TMEM132C: variants seen among roughly 807,000 people sequenced by gnomAD.
The protein encoded by TMEM132C is protein phosphatase 1, regulatory subunit 152.
In TMEM132C, 29 loss-of-function variants were observed where a neutral mutation model predicts 61.4. The ratio of observed to expected loss-of-function variants is 0.47; its 90% CI spans 0.35 to 0.64. TMEM132C has a LOEUF of 0.64. Among genes scored for constraint, TMEM132C ranks in the 30% least tolerant of loss-of-function variants. TMEM132C has a pLI of 0.00. For synonymous variants in TMEM132C, 656 were observed against 633.1 expected (o/e 1.04, Z -0.54); for missense variants, 1,408 against 1,476.9 (o/e 0.95, Z 0.76).
At chr12:128,586,392 T>C (rs7299138) in intron 3 of TMEM132C, among the ~76,000 whole-genome samples, 34,904 of 150,458 alleles carry the variant, frequency 0.23, 4,510 homozygotes, top group Middle Eastern at 0.36. Flanking sequence ...TTTATAAATA[T>C]ATAATATATA....
At chr12:128,275,655 C>A (rs1027913962) in intron 1 of TMEM132C, among the ~76,000 whole-genome samples, 1 of 151,992 alleles carries the variant, frequency 6.6e-6, no homozygotes, top group Admixed American at 6.6e-5. Context: ...CAAAACTGGT[C>A]CCTTTTGCCA....
chr12:128,343,561 C>T (rs1873048215), intron 1 of TMEM132C, among the ~76,000 whole-genome samples: 1 of 152,040 alleles, frequency 6.6e-6, no homozygotes, highest in Non-Finnish European at 1.5e-5. Flanking sequence ...GAAGTGATTG[C>T]AATATTCCAC....
intron 5 of TMEM132C, among the ~76,000 whole-genome samples, chr12:128,686,056 TGTGTGTGTGCATGC>T (rs1191219865): frequency 4.9e-5 from 6 of 122,918 alleles, no homozygotes; most frequent in Non-Finnish European, 7.0e-5. Flanking sequence ...TGTGTGCATG[TGTGTGTGTGCATGC>T]GTGTGTGCGC....
At chr12:128,489,390 C>A (rs1312254067) in intron 2 of TMEM132C, among the ~76,000 whole-genome samples, 5 of 143,310 alleles carry the variant, frequency 3.5e-5, no homozygotes, top group East Asian at 2.1e-4. Context: ...AAAAAAAAAA[C>A]CATAGCCTCT....
intron 4 of TMEM132C, among the ~76,000 whole-genome samples, chr12:128,650,699 C>T (rs1954259687): frequency 6.6e-6 from 1 of 152,050 alleles, no homozygotes; most frequent in Non-Finnish European, 1.5e-5. Context: ...TGCCACTGCA[C>T]TCCAGCCTGG....
chr12:128,572,744 G>A (rs1277492181), intron 3 of TMEM132C, among the ~76,000 whole-genome samples: 1 of 151,454 alleles, frequency 6.6e-6, no homozygotes, highest in African/African-American at 2.4e-5. Context: ...AACTGGCTGG[G>A]CCTGGGTCAC....
intron 3 of TMEM132C, among the ~76,000 whole-genome samples, chr12:128,582,158 T>C (rs139628451): frequency 2.5e-4 from 38 of 152,222 alleles, no homozygotes; most frequent in Non-Finnish European, 4.9e-4. Flanking sequence ...AAGAAAAAGA[T>C]AAATATAACC....
intron 1 of TMEM132C, among the ~76,000 whole-genome samples, chr12:128,319,794 C>G (rs1361753554): frequency 6.6e-6 from 1 of 151,286 alleles, no homozygotes; most frequent in Non-Finnish European, 1.5e-5. Context: ...CCACTGCACT[C>G]CAGCCTGGGT....
chr12:128,493,718 G>A (rs1871835393), intron 2 of TMEM132C, among the ~76,000 whole-genome samples: 1 of 152,220 alleles, frequency 6.6e-6, no homozygotes, highest in South Asian at 2.1e-4. Flanking sequence ...AGACTTTGCT[G>A]AAGTTGCTTA....
intron 2 of TMEM132C, chr12:128,438,275 A>G (rs1405613289): frequency 6.6e-6 from 1 of 152,104 alleles, no homozygotes; most frequent in African/African-American, 2.4e-5. Context: ...TTCATCATGA[A>G]TAGATTAATG....
intron 6 of TMEM132C, among the ~76,000 whole-genome samples, chr12:128,695,126 T>G (rs2135654069): frequency 6.6e-6 from 1 of 152,348 alleles, no homozygotes; most frequent in African/African-American, 2.4e-5. Context: ...CTAGAACCCC[T>G]CTGTCCAATA....
intron 2 of TMEM132C, among the ~76,000 whole-genome samples, chr12:128,464,960 A>C (rs1043008145): frequency 1.2e-4 from 18 of 152,130 alleles, no homozygotes; most frequent in Admixed American, 1.3e-4. Flanking sequence ...CGAGAGTAGG[A>C]CAGAAGCAGA....
intron 1 of TMEM132C, among the ~76,000 whole-genome samples, chr12:128,389,076 A>G (rs1433841786): frequency 6.6e-6 from 1 of 152,152 alleles, no homozygotes; most frequent in Admixed American, 6.5e-5. Context: ...AGATGCAGAA[A>G]TGAGTCCGGG....
intron 2 of TMEM132C, among the ~76,000 whole-genome samples, chr12:128,425,384 G>T (rs1409621390): frequency 6.6e-6 from 1 of 152,220 alleles, no homozygotes; most frequent in Non-Finnish European, 1.5e-5. Flanking sequence ...TGTCAGACAT[G>T]CCAGAACCCA....
In TMEM132C at chr12:128,496,067, T is replaced by G. The variant is rs796367453; in HGVS notation, c.975-47890T>G. Among the ~76,000 whole-genome samples, 3 of 151,702 alleles carry G rather than the reference T, an allele frequency of 2.0e-5. No homozygotes were observed. The South Asian group carries it at 6.2e-4, about 32-fold the overall frequency. ...TCTCAGCATTTGCTTGTCTGTAAAG[T>G]ATTTTATTTCTCCTTCACTTATGAA... On this transcript the variant is annotated intron_variant, in intron 2 of 8. Transcript: ENST00000435159.
chr12:128,435,582 C>T (rs958207611), intron 2 of TMEM132C, among the ~76,000 whole-genome samples: 1 of 152,162 alleles, frequency 6.6e-6, no homozygotes, highest in Non-Finnish European at 1.5e-5. Context: ...AGGAATCCAA[C>T]TTACAAGGGA....
At chr12:128,356,784 G>T (rs1441720690) in intron 1 of TMEM132C, among the ~76,000 whole-genome samples, 1 of 152,204 alleles carries the variant, frequency 6.6e-6, no homozygotes, top group Non-Finnish European at 1.5e-5. Flanking sequence ...GAGACCTCAC[G>T]CCATGCCTGG....
intron 2 of TMEM132C, among the ~76,000 whole-genome samples, chr12:128,419,460 GCA>G (rs1482141230): frequency 6.6e-6 from 1 of 152,120 alleles, no homozygotes; most frequent in Non-Finnish European, 1.5e-5. Flanking sequence ...CCATGGAATT[GCA>G]CAGTGTACAC....
At chr12:128,517,313 T>TA (rs1480789591) in intron 2 of TMEM132C, among the ~76,000 whole-genome samples, 2 of 151,904 alleles carry the variant, frequency 1.3e-5, no homozygotes, top group Non-Finnish European at 2.9e-5. Flanking sequence ...GACACGCCTG[T>TA]AATCCCAGCT....
Sources: gnomAD v4.1 joint callset for allele counts (sites outside exome capture counted in the v4.1 genomes callset) on GRCh38, gnomAD v4.1.1 for gene constraint, MANE v1.5 for transcripts, NCBI Gene and HGNC (gene_info 2026-07-23, HGNC 2026-07-21) for gene names.